CALCB: variants seen among roughly 807,000 people sequenced by gnomAD.
CALCB encodes calcitonin related polypeptide beta.
In CALCB, 8 loss-of-function variants were observed where a neutral mutation model predicts 10.7. The ratio of observed to expected loss-of-function variants is 0.75; its 90% CI spans 0.44 to 1.34. CALCB has a LOEUF of 1.34. Among genes scored for constraint, CALCB ranks in the 40% most tolerant of loss-of-function variants. CALCB has a pLI of 0.01. For synonymous variants in CALCB, 76 were observed against 66.9 expected, an observed-to-expected ratio of 1.14 and a Z score of -0.66; for missense variants, 176 against 162.5, an observed-to-expected ratio of 1.08 and a Z score of -0.45.
chr11:15,074,829 G>T (rs369534959), intron 2 of CALCB, 25 bp downstream of exon 2: 6 of 1,597,064 alleles, frequency 3.8e-6, no homozygotes, highest in Non-Finnish European at 5.1e-6. Context: ...AGCCAGAGGC[G>T]CCTTCTGCTC....
chr11:15,077,858 C>T (rs2133642515), intron 4 of CALCB, among the ~76,000 whole-genome samples: 1 of 152,256 alleles, frequency 6.6e-6, no homozygotes, highest in Middle Eastern at 3.4e-3. Context: ...TTATTTTAGT[C>T]TTCATTTGCC....
chr11:15,074,246 T>A (rs1050628225), intron 1 of CALCB, among the ~76,000 whole-genome samples: 6 of 152,206 alleles, frequency 3.9e-5, no homozygotes, highest in Non-Finnish European at 4.4e-5. Context: ...ACGTTAAAAA[T>A]TTTTCCCAGT....
chr11:15,077,172 G>A (rs2282653), intron 3 of CALCB, 114 bp from the exon 4 acceptor site: 313,045 of 1,161,240 alleles, frequency 0.27, 44,949 homozygotes, highest in Admixed American at 0.42. Flanking sequence ...TTGCATTTTC[G>A]AGAAACACTT....
chr11:15,077,201 G>A (rs902257610), intron 3 of CALCB, 85 bp from the exon 4 acceptor site: 11 of 1,422,634 alleles, frequency 7.7e-6, no homozygotes, highest in African/African-American at 2.8e-5. Context: ...GTGGTGTGTC[G>A]AAGTGTTGCA....
chr11:15,074,836 G>T (rs1850378806), intron 2 of CALCB, 32 bp downstream of exon 2: 2 of 1,576,894 alleles, frequency 1.3e-6, no homozygotes, highest in Non-Finnish European at 1.7e-6. Flanking sequence ...GGCGCCTTCT[G>T]CTCCCACTGC....
chr11:15,075,866 A>G (rs1326494336), intron 3 of CALCB, among the ~76,000 whole-genome samples: 4 of 152,134 alleles, frequency 2.6e-5, no homozygotes, highest in Non-Finnish European at 5.9e-5. Context: ...GCCTGCTCCC[A>G]GCACTGCTGG....
At chr11:15,074,664 C>T in intron 1 of CALCB, 46 bp from the exon 2 acceptor site, 1 of 1,470,740 alleles carries the variant, frequency 6.8e-7, no homozygotes, top group Non-Finnish European at 9.4e-7. Context: ...AGGACTGGAA[C>T]CTAGATCTGT....
At chr11:15,075,651 C>G (rs113089300) in intron 3 of CALCB, among the ~76,000 whole-genome samples, 1 of 152,120 alleles carries the variant, frequency 6.6e-6, no homozygotes, top group Non-Finnish European at 1.5e-5. Context: ...TTCTTTCATA[C>G]CTGCAAGAAG....
intron 3 of CALCB, among the ~76,000 whole-genome samples, chr11:15,076,913 G>C (rs1331355168): frequency 6.6e-6 from 1 of 152,098 alleles, no homozygotes; most frequent in East Asian, 1.9e-4. Context: ...AAGACTTTAG[G>C]GAATTTCATT....
intron 3 of CALCB, among the ~76,000 whole-genome samples, chr11:15,076,535 C>G (rs1009608138): frequency 6.6e-6 from 1 of 152,206 alleles, no homozygotes; most frequent in South Asian, 2.1e-4. Context: ...TTACTGAACA[C>G]ATTAGAGATA....
rs1372157338 is a variant in CALCB, at chr11:15,075,147, T to G, written c.173T>G (p.Val58Gly). 6 of 1,614,156 alleles carry G rather than the reference T, an allele frequency of 3.7e-6. No homozygotes were observed. Among genetic ancestry groups the G allele is most frequent in the Non-Finnish European group, 5.1e-6 (6 of 1,180,030 alleles). Residue 58 changes from valine (V) to glycine (G), a missense_variant, in exon 3 of 5, where the codon GTG (valine) becomes GGG (glycine). Transcript: ENST00000324229. ...CTGGCTGCACTGGTGCAGGACTATGTGCAGATGAAGGCCAGTGAGCTGAAG... is the reference window on the plus strand; with the variant it reads ...CTGGCTGCACTGGTGCAGGACTATGGGCAGATGAAGGCCAGTGAGCTGAAG... The part of the protein sequence containing the change: ...LLLAALVQDY[V>G]QMKASELKQE...
chr11:15,076,749 T>C lies in CALCB; in HGVS notation c.225-537T>C, dbSNP rs79501047. On this transcript the variant is annotated intron_variant, in intron 3 of 4. Coordinates refer to ENST00000324229, the MANE Select transcript of CALCB (RefSeq NM_000728.4). Reference sequence around the variant, plus strand: ...CAGACTTGAGGGTGTCCAGTGCCTATGCTCAGAAGTAGCCTTAGCTTCAGG... The same window carrying C: ...CAGACTTGAGGGTGTCCAGTGCCTACGCTCAGAAGTAGCCTTAGCTTCAGG... Among the ~76,000 whole-genome samples the C allele has an allele frequency of 6.6e-4, 100 of 152,340 alleles. No homozygotes were observed. The East Asian group carries it at 0.015, about 23-fold the overall frequency.
intron 3 of CALCB, 78 bp downstream of exon 3, chr11:15,075,276 A>C: frequency 6.2e-7 from 1 of 1,604,870 alleles, no homozygotes. Context: ...AAGAGGCAGG[A>C]GAGAACACAC....
In CALCB at chr11:15,077,297, A is replaced by C. The variant is rs774743052; in HGVS notation, c.236A>C (p.Gln79Pro). 3 of 1,614,118 alleles carry C rather than the reference A, an allele frequency of 1.9e-6. No homozygotes were observed. The highest frequency in any genetic ancestry group is 1.7e-6 in the Non-Finnish European group (2 of 1,180,012). The change falls in exon 4 of 5, where the codon CAG becomes CCG. Residue 79 changes from glutamine to proline, a missense_variant. Gln to Pro is a moderately conservative substitution (Grantham distance 76). Transcript: ENST00000324229. ...QETQGSSSAA[Q>P]KRACNTATCV... ...ATCTTGCAAATCAGCTCCGCTGCCC[A>C]GAAGAGAGCCTGCAACACTGCCACC...
intron 1 of CALCB, 106 bp from the exon 2 acceptor site, chr11:15,074,604 A>G (rs1850376626): frequency 3.8e-6 from 3 of 790,994 alleles, no homozygotes; most frequent in Non-Finnish European, 6.3e-6. Flanking sequence ...ACAGAGGCTC[A>G]GGCAGCTGAA....
rs1291453403 is a variant in CALCB at position 15,077,443 on chromosome 11, T to C, written c.382T>C (p.Ter128ArgextTer4). 2 of 1,614,140 alleles carry C rather than the reference T, an allele frequency of 1.2e-6. No individual in the cohort carries two copies. Among genetic ancestry groups the C allele is most frequent in the East Asian group, 2.2e-5 (1 of 44,884 alleles). Residue 128 changes from the stop codon to arginine (R), a stop_lost, in exon 4 of 5, where the codon TGA becomes CGA. Transcript: ENST00000324229. ...CAGGCGCCGCAGGGACCTTCAAGCC[T>C]GAGCAGATGAATGACTCCAGGAAGA... is the stretch of plus-strand genomic sequence containing the variant. ...FGRRRRDLQA[*>R] is the part of the protein sequence containing the mutation.
chr11:15,074,935 TC>T, intron 2 of CALCB, 125 bp from the exon 3 acceptor site: 1 of 1,414,358 alleles, frequency 7.1e-7, no homozygotes, highest in Non-Finnish European at 9.9e-7. Flanking sequence ...CTCATGCCCG[TC>T]CCCTGGGAGT....
rs1466806997 is a variant in CALCB at position 15,075,019 on chromosome 11, CAG to C, written c.87-41_87-40del. 5 of 1,611,426 alleles carry C rather than the reference CAG, an allele frequency of 3.1e-6. No individual in the cohort carries two copies. The Admixed American group carries it at 5.0e-5, about 16-fold the overall frequency. The stretch of plus-strand genomic sequence containing the variant: ...GCTGCCTATCCTGGGGAGGGTCAGT[CAG>C]GGGCTCACAGCCTGCAAGGAGTTTG... On this transcript the variant is annotated intron_variant, in intron 2 of 4. Coordinates refer to ENST00000324229, the MANE Select transcript of CALCB (RefSeq NM_000728.4).
rs143189175 is a variant in CALCB, at chr11:15,075,100, T to C, written c.126T>C (p.Ser42=). The C allele has an allele frequency of 8.1e-5, 131 of 1,614,110 alleles. No individual in the cohort carries two copies. In the African/African-American group the frequency reaches 1.3e-3, roughly 16 times the overall value. ...GCAGCCCAGACCCGGCCACACTCAG[T>C]AAAGAGGACGCGCGCCTCCTGCTGG... ...LESSPDPATL[S]KEDARLLLAA... Residue 42 remains serine (S), a synonymous_variant, in exon 3 of 5, where the codon AGT becomes AGC. Coordinates refer to ENST00000324229, the MANE Select transcript of CALCB (RefSeq NM_000728.4).
Sources: allele counts gnomAD v4.1 joint callset (sites outside exome capture counted in the v4.1 genomes callset), GRCh38; gene constraint gnomAD v4.1.1; transcripts MANE v1.5; gene names NCBI Gene and HGNC (gene_info 2026-07-23, HGNC 2026-07-21).